MED13L: variants seen among roughly 807,000 people sequenced by gnomAD.
MED13L encodes the protein mediator complex subunit 13L.
A neutral mutation model predicts 220.9 loss-of-function variants in MED13L; 7 were observed. The ratio of observed to expected loss-of-function variants is 0.03; its 90% CI spans 0.02 to 0.06. The LOEUF is 0.06. Among genes scored for constraint, MED13L ranks in the 10% least tolerant of loss-of-function variants. The pLI, the probability that MED13L is intolerant of heterozygous loss-of-function variation, is 1.00. For synonymous variants in MED13L, 1,011 were observed against 1,015.2 expected, an observed-to-expected ratio of 1.00 and a Z score of 0.08; for missense variants, 1,965 against 2,760.5, an observed-to-expected ratio of 0.71 and a Z score of 6.46.
intron 2 of MED13L, among the ~76,000 whole-genome samples, chr12:116,175,482 G>C (rs926840550): frequency 6.6e-6 from 1 of 152,130 alleles, no homozygotes; most frequent in African/African-American, 2.4e-5. Flanking sequence ...GCAACAAAGA[G>C]AAAAATTTAA....
intron 2 of MED13L, among the ~76,000 whole-genome samples, chr12:116,220,813 G>A (rs749170917): frequency 6.6e-6 from 1 of 152,074 alleles, no homozygotes; most frequent in Non-Finnish European, 1.5e-5. Flanking sequence ...TAAGTTACCA[G>A]GTAAAATTTT....
chr12:116,097,309 C>T (rs1353958861), intron 3 of MED13L, among the ~76,000 whole-genome samples: 1 of 152,052 alleles, frequency 6.6e-6, no homozygotes, highest in African/African-American at 2.4e-5. Flanking sequence ...CCATGTCTGG[C>T]TAATTTTTGT....
chr12:116,194,197 C>T (rs1191995668), intron 2 of MED13L, among the ~76,000 whole-genome samples: 1 of 152,130 alleles, frequency 6.6e-6, no homozygotes, highest in African/African-American at 2.4e-5. Context: ...CAGAGTTTCG[C>T]TCTTTTTGTC....
chr12:116,185,905 A>C lies in MED13L; in HGVS notation c.310+51563T>G, dbSNP rs754259777. 2.6e-5 allele frequency among the ~76,000 whole-genome samples: 4 copies of C among 152,276 alleles called. 1 individual carries two copies. Among genetic ancestry groups the C allele is most frequent in the Admixed American group, 2.6e-4 (4 of 15,288 alleles). ...GACTCAGGGCTTCACCATGTTGCTC[A>C]GGCTGGTCTCGAACTCCTGACCTCA... On this transcript the variant is annotated intron_variant, in intron 2 of 30. Transcript: ENST00000281928.
Position 116,171,382 on chromosome 12 carries a change from A to G in MED13L, c.311-59870T>C, listed in dbSNP as rs150038966. On this transcript the variant is annotated intron_variant, in intron 2 of 30. Coordinates refer to ENST00000281928, the MANE Select transcript of MED13L (RefSeq NM_015335.5). The stretch of plus-strand genomic sequence containing the variant: ...CAGCCAGCTCAAAATCTTTATATGG[A>G]GTTAAATACTTCACCTACAACTTAC... Among the ~76,000 whole-genome samples, 274 of 152,344 alleles carry G rather than the reference A, an allele frequency of 1.8e-3. 2 individuals carry two copies. Among genetic ancestry groups the G allele is most frequent in the African/African-American group, 6.4e-3 (266 of 41,586 alleles).
intron 25 of MED13L, among the ~76,000 whole-genome samples, chr12:115,974,441 T>C (rs1159664985): frequency 6.6e-6 from 1 of 152,226 alleles, no homozygotes; most frequent in Non-Finnish European, 1.5e-5. Flanking sequence ...TAATCTAGGC[T>C]AATTCATACT....
At chr12:116,009,280 C>T in intron 9 of MED13L, 148 bp from the exon 10 acceptor site, 2 of 702,362 alleles carry the variant, frequency 2.8e-6, no homozygotes, top group Non-Finnish European at 4.7e-6. Context: ...CTAAAAAACA[C>T]AATACACCCC....
At chr12:116,147,765 CA>C (rs1397305837) in intron 2 of MED13L, among the ~76,000 whole-genome samples, 1 of 151,846 alleles carries the variant, frequency 6.6e-6, no homozygotes, top group Non-Finnish European at 1.5e-5. Flanking sequence ...TTATATTGTT[CA>C]AATATACAGT....
intron 1 of MED13L, among the ~76,000 whole-genome samples, chr12:116,262,526 A>G (rs1872585040): frequency 6.6e-6 from 1 of 152,178 alleles, no homozygotes; most frequent in African/African-American, 2.4e-5. Flanking sequence ...CAACAAAATC[A>G]AAGTTACTTT....
intron 2 of MED13L, among the ~76,000 whole-genome samples, chr12:116,196,913 T>C (rs1302535007): frequency 2.6e-5 from 4 of 152,196 alleles, no homozygotes; most frequent in Admixed American, 6.5e-5. Flanking sequence ...TTTGAAGGCA[T>C]TTATATCTAG....
chr12:116,174,481 TG>T (rs1358911082), intron 2 of MED13L: 1 of 151,612 alleles, frequency 6.6e-6, no homozygotes, highest in Non-Finnish European at 1.5e-5. Context: ...AACTCGTTTT[TG>T]TTTTGTTTTT....
chr12:116,091,605 G>A (rs774806956), intron 4 of MED13L, among the ~76,000 whole-genome samples: 22 of 152,094 alleles, frequency 1.4e-4, no homozygotes, highest in Non-Finnish European at 2.6e-4. Context: ...CAACAGTTTT[G>A]TGTTTTGCAG....
At chr12:116,183,584 A>G (rs1880670478) in intron 2 of MED13L, among the ~76,000 whole-genome samples, 1 of 152,226 alleles carries the variant, frequency 6.6e-6, no homozygotes, top group Non-Finnish European at 1.5e-5. Context: ...TTTTGATACT[A>G]AGACCATTAA....
At chr12:116,115,038 T>C (rs1262147973) in intron 2 of MED13L, among the ~76,000 whole-genome samples, 1 of 152,182 alleles carries the variant, frequency 6.6e-6, no homozygotes, top group Non-Finnish European at 1.5e-5. Flanking sequence ...CTGCAGGATG[T>C]TTTATAGAAA....
chr12:116,215,472 T>A (rs1397551741), intron 2 of MED13L, among the ~76,000 whole-genome samples: 1 of 152,186 alleles, frequency 6.6e-6, no homozygotes, highest in Non-Finnish European at 1.5e-5. Flanking sequence ...TGATATCTTA[T>A]AAACTCTGAA....
At position 115,991,400 on chromosome 12, in the gene MED13L, T is replaced by C; in HGVS notation, c.3554A>G (p.Asp1185Gly). 6.2e-7 allele frequency: 1 copy of C among 1,614,012 alleles called. No individual in the cohort carries two copies. ...AATATCAGAATTCTTCCCAAAAATA[T>C]CCAACTCATCTTCAAGGAAGAGTCC... is the stretch of plus-strand genomic sequence containing the variant. ...NSGLFLEDEL[D>G]IFGKNSDIGQ... Residue 1185 changes from aspartate (D) to glycine (G), a missense_variant, in exon 17 of 31, where the codon GAT (aspartate) becomes GGT (glycine). Physicochemically the swap from Asp to Gly is moderately conservative, Grantham distance 94. Around this residue, in one of 10 missense-constraint regions of MED13L, gnomAD observed 165 missense variants for 190.8 expected, o/e 0.86. Transcript: ENST00000281928. This position sits in a 1 kb window ranked among gnomAD's most constrained non-coding sequence, Gnocchi z 7.7.
chr12:116,120,231 T>A (rs1874924984), intron 2 of MED13L, among the ~76,000 whole-genome samples: 1 of 152,038 alleles, frequency 6.6e-6, no homozygotes, highest in Non-Finnish European at 1.5e-5. Flanking sequence ...TACACAACAC[T>A]TAGTGTTAAG....
intron 27 of MED13L, among the ~76,000 whole-genome samples, chr12:115,970,215 T>C (rs769500603): frequency 3.3e-5 from 5 of 152,226 alleles, no homozygotes; most frequent in Non-Finnish European, 7.3e-5. Context: ...GCAAATTAGA[T>C]TGCCATAGAC....
intron 16 of MED13L, among the ~76,000 whole-genome samples, chr12:115,995,042 G>A (rs1172719991): frequency 2.0e-5 from 3 of 152,206 alleles, no homozygotes; most frequent in South Asian, 2.1e-4. Flanking sequence ...AATACTGCAA[G>A]TGTAGCTTCC....
Sources: gnomAD v4.1 joint callset for allele counts (sites outside exome capture counted in the v4.1 genomes callset) on GRCh38, gnomAD v4.1.1 for gene constraint, gnomAD v4.1.1 regional missense constraint, Gnocchi (gnomAD v3.1) non-coding constraint, MANE v1.5 for transcripts, NCBI Gene and HGNC (gene_info 2026-07-23, HGNC 2026-07-21) for gene names.